The following RNF212 variants were observed in gnomAD, a reference collection of about 807,000 sequenced individuals.
RNF212 encodes probable E3 SUMO-protein ligase RNF212.
A neutral mutation model predicts 34.7 loss-of-function variants in RNF212; 33 were observed. That is an observed-to-expected ratio of 0.95 (90% CI 0.72 to 1.27). RNF212 has a LOEUF of 1.27. Ranked by LOEUF, RNF212 falls within the 50% of genes most tolerant of loss-of-function variation. The pLI is 0.00. For missense variants in RNF212, 377 were observed against 362.2 expected, an observed-to-expected ratio of 1.04 and a Z score of -0.33; for synonymous variants, 140 against 136.1, an observed-to-expected ratio of 1.03 and a Z score of -0.20.
chr4:1,094,214 T>C (rs942822865), intron 3 of RNF212, among the ~76,000 whole-genome samples: 1 of 151,832 alleles, frequency 6.6e-6, no homozygotes, highest in Non-Finnish European at 1.5e-5. Context: ...TGGCCAACGG[T>C]GGGAGCTGCA....
chr4:1,093,685 CG>C (rs1393198000), intron 3 of RNF212: 40 of 1,536,082 alleles, frequency 2.6e-5, no homozygotes, highest in African/African-American at 5.5e-5. Flanking sequence ...CTGGAGCGCA[CG>C]GCCTGTGGCT....
chr4:1,097,827 G>A (rs1204132343), intron 2 of RNF212, among the ~76,000 whole-genome samples: 2 of 152,210 alleles, frequency 1.3e-5, no homozygotes. Context: ...CACTTTGGGA[G>A]GCCAAGGTGG....
At chr4:1,104,396 C>T (rs989661324) in intron 2 of RNF212, among the ~76,000 whole-genome samples, 1 of 152,222 alleles carries the variant, frequency 6.6e-6, no homozygotes, top group African/African-American at 2.4e-5. Context: ...GCCCTGGGCT[C>T]AGGTCACCCC....
At chr4:1,066,118 T>A (rs1374119256) in intron 3 of RNF212, among the ~76,000 whole-genome samples, 2 of 151,272 alleles carry the variant, frequency 1.3e-5, no homozygotes, top group Non-Finnish European at 2.9e-5. Flanking sequence ...AGATGAGGTC[T>A]TGCTATGTTG....
intron 3 of RNF212, among the ~76,000 whole-genome samples, chr4:1,064,661 T>C (rs538745677): frequency 6.6e-6 from 1 of 152,298 alleles, no homozygotes; most frequent in African/African-American, 2.4e-5. Flanking sequence ...TGATACAGTT[T>C]CCTACCTTAA....
intron 4 of RNF212, among the ~76,000 whole-genome samples, chr4:1,090,217 G>A (rs567043507): frequency 6.6e-6 from 1 of 152,072 alleles, no homozygotes; most frequent in African/African-American, 2.4e-5. Context: ...CAGGGTGGGG[G>A]TGACAGGATG....
At chr4:1,063,671 G>A (rs4690344) in intron 3 of RNF212, among the ~76,000 whole-genome samples, 120,251 of 148,410 alleles carry the variant, frequency 0.81, 49,426 homozygotes, top group African/African-American at 0.94. Context: ...CTCCAGCTTG[G>A]GCAACAGAGT....
At position 1,079,692 on chromosome 4, in the gene RNF212, T is replaced by C; in HGVS notation, c.465-4A>G. 6.2e-7 allele frequency: 1 copy of C among 1,608,840 alleles called. No individual in the cohort carries two copies. The highest frequency in any genetic ancestry group is 8.5e-7 in the Non-Finnish European group (1 of 1,175,272). On this transcript the variant is annotated splice_polypyrimidine_tract_variant and splice_region_variant and intron_variant, in intron 7 of 9. Coordinates refer to ENST00000433731, the MANE Select transcript of RNF212 (RefSeq NM_001131034.4). ...ATCAACTTCCATCGACTCCAGTCTG[T>C]TAAACACATAGTGAAAGGCTTTGAG...
At chr4:1,106,197 G>C (rs1577827912) in intron 2 of RNF212, among the ~76,000 whole-genome samples, 2 of 150,534 alleles carry the variant, frequency 1.3e-5, no homozygotes, top group Non-Finnish European at 3.0e-5. Context: ...GGTCTGTGAT[G>C]GTTTAGAGAA....
chr4:1,098,137 G>A (rs681857), intron 2 of RNF212, among the ~76,000 whole-genome samples: 28,085 of 152,016 alleles, frequency 0.18, 4,218 homozygotes, highest in African/African-American at 0.42. Context: ...CAAGATGTAG[G>A]AAGAACCTCA....
chr4:1,070,574 C>T (rs1455039721), downstream of RNF212, among the ~76,000 whole-genome samples: 2 of 147,280 alleles, frequency 1.4e-5, no homozygotes, highest in Non-Finnish European at 3.0e-5. Flanking sequence ...TTTTGTAGGA[C>T]TGTGCTGTGT....
chr4:1,064,597 CAG>C (rs770448181), intron 3 of RNF212, among the ~76,000 whole-genome samples: 1 of 151,994 alleles, frequency 6.6e-6, no homozygotes, highest in Non-Finnish European at 1.5e-5. Context: ...TGTGTGTGTG[CAG>C]AGTTAGTAAG....
At chr4:1,057,709 C>T (rs1178988965) in intron 4 of RNF212, among the ~76,000 whole-genome samples, 10 of 152,210 alleles carry the variant, frequency 6.6e-5, no homozygotes, top group African/African-American at 2.2e-4. Context: ...GCAGTCACCA[C>T]GTGGTACTTT....
At chr4:1,078,097 G>C (rs1719630073) in intron 8 of RNF212, among the ~76,000 whole-genome samples, 1 of 152,190 alleles carries the variant, frequency 6.6e-6, no homozygotes, top group African/African-American at 2.4e-5. Context: ...CCATGCCACA[G>C]GGCTGCTACA....
chr4:1,089,671 T>C (rs73074159), intron 4 of RNF212, among the ~76,000 whole-genome samples: 7,542 of 151,976 alleles, frequency 0.05, 641 homozygotes, highest in African/African-American at 0.17. Context: ...GCAGTCCCCA[T>C]GTGTCAAGGG....
intron 3 of RNF212, among the ~76,000 whole-genome samples, chr4:1,065,531 G>T (rs1394734664): frequency 6.6e-6 from 1 of 151,822 alleles, no homozygotes; most frequent in Non-Finnish European, 1.5e-5. Flanking sequence ...GCAGTGGTAT[G>T]ATCACTGCTC....
intron 2 of RNF212, among the ~76,000 whole-genome samples, chr4:1,097,243 A>T (rs1225925022): frequency 6.6e-6 from 1 of 152,234 alleles, no homozygotes; most frequent in East Asian, 1.9e-4. Context: ...CTATGTAGTC[A>T]CAAGTACATG....
downstream of RNF212, among the ~76,000 whole-genome samples, chr4:1,068,530 T>A (rs1718238780): frequency 6.6e-6 from 1 of 152,254 alleles, no homozygotes. Flanking sequence ...ATGTTACATC[T>A]ATTTGTTATA....
intron 3 of RNF212, among the ~76,000 whole-genome samples, chr4:1,064,997 A>G (rs1489334041): frequency 1.3e-5 from 2 of 152,258 alleles, no homozygotes; most frequent in African/African-American, 2.4e-5. Flanking sequence ...AGGCTGAATC[A>G]TAGCCCACTG....
Sources: gnomAD v4.1 joint callset for allele counts (sites outside exome capture counted in the v4.1 genomes callset) on GRCh38, gnomAD v4.1.1 for gene constraint, MANE v1.5 for transcripts, NCBI Gene and HGNC (gene_info 2026-07-23, HGNC 2026-07-21) for gene names.